The following CD2AP variants were observed in gnomAD, a reference collection of about 807,000 sequenced individuals.
CD2AP encodes the protein CD2 associated protein.
Under a neutral mutation model 85.1 loss-of-function variants are expected in CD2AP, and 46 were observed. The ratio of observed to expected loss-of-function variants is 0.54; its 90% CI spans 0.43 to 0.69. The LOEUF is 0.69. CD2AP is among the 30% of genes least tolerant of loss of function. CD2AP has a pLI of 0.00. For missense variants in CD2AP, 769 were observed against 729.5 expected (o/e 1.05, Z -0.62); for synonymous variants, 255 against 252.9 (o/e 1.01, Z -0.08).
intron 5 of CD2AP, among the ~76,000 whole-genome samples, chr6:47,565,656 T>TA (rs1767973051): frequency 6.6e-6 from 1 of 152,164 alleles, no homozygotes; most frequent in East Asian, 1.9e-4. Context: ...CCAAAATTCT[T>TA]AGATTTCTCT....
At chr6:47,516,651 AAGTT>A (rs1364540047) in intron 2 of CD2AP, among the ~76,000 whole-genome samples, 4 of 152,186 alleles carry the variant, frequency 2.6e-5, no homozygotes, top group Non-Finnish European at 4.4e-5. Flanking sequence ...CTGGAACAGA[AAGTT>A]AGAGATGACA....
At chr6:47,592,472 G>C (rs1387361326) in intron 11 of CD2AP, among the ~76,000 whole-genome samples, 1 of 152,102 alleles carries the variant, frequency 6.6e-6, no homozygotes, top group Non-Finnish European at 1.5e-5. Context: ...ATCTAATAAG[G>C]AATGTGCATT....
chr6:47,493,331 T>C (rs2113969598), intron 1 of CD2AP, among the ~76,000 whole-genome samples: 1 of 148,770 alleles, frequency 6.7e-6, no homozygotes, highest in East Asian at 2.0e-4. Context: ...ATAATTTTAC[T>C]AGATACAGAT....
rs569273006 is a variant in CD2AP, at chr6:47,524,499, A to G, written c.166-9103A>G. On this transcript the variant is annotated intron_variant, in intron 2 of 17. Transcript: ENST00000359314. ...AGGTGGAAATGACATTTTTTAGATG[A>G]ACAAAACTATTAGGAAAAATGTGAC... Among the ~76,000 whole-genome samples the G allele has an allele frequency of 9.8e-5, 15 of 152,350 alleles. No homozygotes were observed. In the East Asian group the frequency reaches 2.9e-3, roughly 29 times the overall value.
intron 5 of CD2AP, among the ~76,000 whole-genome samples, chr6:47,558,166 T>G (rs923508974): frequency 6.6e-6 from 1 of 152,128 alleles, no homozygotes; most frequent in Non-Finnish European, 1.5e-5. Context: ...TGATTTTTGC[T>G]CATTGATTTT....
intron 2 of CD2AP, among the ~76,000 whole-genome samples, chr6:47,504,106 A>G (rs1229341230): frequency 2.0e-5 from 3 of 152,240 alleles, no homozygotes; most frequent in Non-Finnish European, 4.4e-5. Context: ...GCTCTTATCA[A>G]TTACAAACTT....
At chr6:47,589,754 G>T (rs530223584) in intron 11 of CD2AP, among the ~76,000 whole-genome samples, 5 of 151,810 alleles carry the variant, frequency 3.3e-5, no homozygotes, top group Non-Finnish European at 7.4e-5. Context: ...AAGAACTTTC[G>T]ATAGACTTTT....
rs769211242 is a variant in CD2AP at position 47,625,206 on chromosome 6, AC to A, written c.*980del. 6.6e-6 allele frequency: 1 copy of A among 151,886 alleles called. No individual in the cohort carries two copies. The highest frequency in any genetic ancestry group is 1.5e-5 in the Non-Finnish European group (1 of 67,800). The allele number at this position is 151,886 out of a possible 1,614,324, so 9.4% of individuals were successfully genotyped here. On this transcript the variant is annotated 3_prime_UTR_variant, in exon 18 of 18. Transcript: ENST00000359314. The stretch of plus-strand genomic sequence containing the variant: ...GACTTTTAATAATGGTAATAGGAAA[AC>A]AAAACCCAAAGCTTTTCAGAACTTC...
chr6:47,597,982 C>T (rs1257297310), intron 12 of CD2AP, among the ~76,000 whole-genome samples: 1 of 150,796 alleles, frequency 6.6e-6, no homozygotes, highest in South Asian at 2.1e-4. Flanking sequence ...GGAATGGCAG[C>T]CCATTTAGTC....
At chr6:47,617,012 G>C (rs889131813) in intron 17 of CD2AP, among the ~76,000 whole-genome samples, 11 of 152,114 alleles carry the variant, frequency 7.2e-5, no homozygotes, top group African/African-American at 2.7e-4. Context: ...CTGTCACCCA[G>C]GCTAGAGTAC....
At chr6:47,490,171 T>C (rs558192234) in intron 1 of CD2AP, among the ~76,000 whole-genome samples, 6 of 152,220 alleles carry the variant, frequency 3.9e-5, no homozygotes, top group African/African-American at 1.4e-4. Flanking sequence ...ACTGTAGACA[T>C]AGGGTCTTGC....
At chr6:47,565,427 T>C (rs1431079338) in intron 5 of CD2AP, among the ~76,000 whole-genome samples, 1 of 152,140 alleles carries the variant, frequency 6.6e-6, no homozygotes, top group African/African-American at 2.4e-5. Flanking sequence ...TGTTTTCAAA[T>C]TTTCCCCTTA....
At chr6:47,582,790 GTTTTGT>G (rs1768516128) in intron 11 of CD2AP, among the ~76,000 whole-genome samples, 1 of 86,794 alleles carries the variant, frequency 1.2e-5, no homozygotes, top group East Asian at 3.4e-4. Flanking sequence ...GTTTTTTTTT[GTTTTGT>G]TTTTTTTTTT....
chr6:47,592,080 C>T (rs1582600400), intron 11 of CD2AP, among the ~76,000 whole-genome samples: 1 of 152,134 alleles, frequency 6.6e-6, no homozygotes, highest in East Asian at 1.9e-4. Flanking sequence ...AAGCGATGCC[C>T]CCATCTCAGC....
At chr6:47,567,542 G>A (rs1277920668) in intron 5 of CD2AP, among the ~76,000 whole-genome samples, 1 of 152,076 alleles carries the variant, frequency 6.6e-6, no homozygotes, top group Non-Finnish European at 1.5e-5. Context: ...TTGTAATTTA[G>A]CAGGAGAAAT....
chr6:47,583,279 A>G (rs1053370888), intron 11 of CD2AP, among the ~76,000 whole-genome samples: 5 of 152,134 alleles, frequency 3.3e-5, no homozygotes, highest in African/African-American at 1.2e-4. Context: ...TTTATCACTC[A>G]AAGTCCATAG....
chr6:47,622,623 G>T (rs575554834), intron 17 of CD2AP, among the ~76,000 whole-genome samples: 1 of 152,110 alleles, frequency 6.6e-6, no homozygotes, highest in Non-Finnish European at 1.5e-5. Context: ...TCCAGTGCGG[G>T]GTGTGTGTTC....
At chr6:47,572,246 G>T (rs145860839) in intron 5 of CD2AP, among the ~76,000 whole-genome samples, 3 of 152,184 alleles carry the variant, frequency 2.0e-5, no homozygotes, top group Admixed American at 6.5e-5. Context: ...GGGGCCGGGC[G>T]CAGTGACTCA....
chr6:47,554,774 A>C lies in CD2AP; in HGVS notation c.541+8A>C, dbSNP rs1181851409. 6.3e-7 allele frequency: 1 copy of C among 1,593,122 alleles called. No individual in the cohort carries two copies. Among genetic ancestry groups the C allele is most frequent in the South Asian group, 1.1e-5 (1 of 88,078 alleles). ...AAGCCCAGGACGATTCAGGTAGACTATTTTTTAAAATTTTTAATTGATTTA... is the reference window on the plus strand; with the variant it reads ...AAGCCCAGGACGATTCAGGTAGACTCTTTTTTAAAATTTTTAATTGATTTA... On this transcript the variant is annotated splice_region_variant and intron_variant, in intron 5 of 17. Transcript: ENST00000359314.
Sources: allele counts gnomAD v4.1 joint callset (sites outside exome capture counted in the v4.1 genomes callset), GRCh38; gene constraint gnomAD v4.1.1; transcripts MANE v1.5; gene names NCBI Gene and HGNC (gene_info 2026-07-23, HGNC 2026-07-21).